The following ZNF618 variants were observed in gnomAD, a reference collection of about 807,000 sequenced individuals.
ZNF618 encodes the protein neural precursor cell expressed, developmentally down-regulated 10.
Under a neutral mutation model 103.0 loss-of-function variants are expected in ZNF618, and 34 were observed. That is an observed-to-expected ratio of 0.33 (90% confidence interval 0.25 to 0.44). The LOEUF is 0.44. Among genes scored for constraint, ZNF618 ranks in the 20% least tolerant of loss-of-function variants. The pLI, the probability that ZNF618 is intolerant of heterozygous loss-of-function variation, is 1.00. For missense variants in ZNF618, 1,059 were observed against 1,295.4 expected, an observed-to-expected ratio of 0.82 and a Z score of 2.80; for synonymous variants, 551 against 542.2, an observed-to-expected ratio of 1.02 and a Z score of -0.23.
At chr9:113,985,546 C>T (rs1433030358) in intron 2 of ZNF618, among the ~76,000 whole-genome samples, 1 of 152,238 alleles carries the variant, frequency 6.6e-6, no homozygotes, top group South Asian at 2.1e-4. Flanking sequence ...GACTCTTGCT[C>T]ATGATATTAT....
chr9:113,977,033 C>T (rs116223380), intron 2 of ZNF618, among the ~76,000 whole-genome samples: 220 of 152,234 alleles, frequency 1.4e-3, no homozygotes, highest in African/African-American at 4.8e-3. Context: ...CCAAGGGCAG[C>T]GTGCGTCCAG....
At chr9:113,894,727 G>C (rs990499347) in intron 1 of ZNF618, among the ~76,000 whole-genome samples, 2 of 152,128 alleles carry the variant, frequency 1.3e-5, no homozygotes, top group Admixed American at 1.3e-4. Context: ...AGTTGTGACT[G>C]AGATCATTGC....
chr9:113,885,542 G>A, intron 1 of ZNF618, among the ~76,000 whole-genome samples: 1 of 152,096 alleles, frequency 6.6e-6, no homozygotes, highest in East Asian at 1.9e-4. Context: ...CAGAAAGTTT[G>A]GAGTTTGTGA....
intron 10 of ZNF618, among the ~76,000 whole-genome samples, chr9:114,017,045 G>T (rs1244168902): frequency 1.3e-5 from 2 of 152,172 alleles, no homozygotes; most frequent in Non-Finnish European, 2.9e-5. Flanking sequence ...CATGATTGGG[G>T]TGAGGAGGGT....
intron 12 of ZNF618, 131 bp from the exon 13 acceptor site, chr9:114,036,169 C>G: frequency 1.3e-6 from 1 of 754,346 alleles, no homozygotes. Flanking sequence ...GGCAGGCAGG[C>G]TGGGCCCGGA....
Position 113,988,242 on chromosome 9 carries a change from C to T in ZNF618, c.78-79C>T, listed in dbSNP as rs572105034. ...TCACTATGCACACAGCCTGGCATGT[C>T]CCTGTGGTGCCATGGGCTGGTGGGC... On this transcript the variant is annotated intron_variant, in intron 2 of 14. Coordinates refer to ENST00000374126, the MANE Select transcript of ZNF618 (RefSeq NM_001318042.2). 3,022 of 1,511,752 alleles carry T rather than the reference C, an allele frequency of 2.0e-3. 27 individuals carry two copies. The South Asian group carries it at 0.021, about 11-fold the overall frequency. 93.6% of individuals were successfully genotyped at this position (1,511,752 alleles called of 1,614,324 possible). A position where few individuals can be genotyped will look rare whatever the true frequency, so the allele number is the denominator to read the frequency against.
Position 113,951,509 on chromosome 9 carries a change from A to G in ZNF618, c.34-17608A>G, listed in dbSNP as rs976199592. Reference sequence around the variant, plus strand: ...TATATGTGTGTATGTGTACACATATATGTGTGTATATGTACACATATGTGT... The same window carrying G: ...TATATGTGTGTATGTGTACACATATGTGTGTGTATATGTACACATATGTGT... On this transcript the variant is annotated intron_variant, in intron 1 of 14. Transcript: ENST00000374126. 5.0e-4 allele frequency among the ~76,000 whole-genome samples: 40 copies of G among 80,630 alleles called. 9 individuals are homozygous for G. Among genetic ancestry groups the G allele is most frequent in the Non-Finnish European group, 9.3e-4 (33 of 35,632 alleles). The allele number at this position is 80,630 out of a possible 152,430, so 52.9% of individuals were successfully genotyped here.
At chr9:113,970,670 T>C (rs745804373) in intron 2 of ZNF618, among the ~76,000 whole-genome samples, 5 of 151,988 alleles carry the variant, frequency 3.3e-5, no homozygotes, top group Non-Finnish European at 7.4e-5. Flanking sequence ...TGAATGCCCT[T>C]TCATCTTTCA....
At chr9:114,045,971 T>G (rs1845616272) in intron 13 of ZNF618, among the ~76,000 whole-genome samples, 1 of 152,096 alleles carries the variant, frequency 6.6e-6, no homozygotes, top group Non-Finnish European at 1.5e-5. Flanking sequence ...TGGTAAGTAA[T>G]TATTTTCAAA....
At chr9:113,908,699 G>A (rs1050936474) in intron 1 of ZNF618, among the ~76,000 whole-genome samples, 5 of 151,974 alleles carry the variant, frequency 3.3e-5, no homozygotes, top group African/African-American at 9.7e-5. Context: ...TTTGAAGACC[G>A]CTGTGCAGAG....
chr9:114,017,717 G>A (rs1011346361), intron 10 of ZNF618, among the ~76,000 whole-genome samples: 11 of 152,152 alleles, frequency 7.2e-5, no homozygotes, highest in African/African-American at 2.7e-4. Flanking sequence ...GAAGACTTTG[G>A]TCCAAACAGA....
At chr9:113,886,415 G>GATGT (rs1342091004) in intron 1 of ZNF618, among the ~76,000 whole-genome samples, 8 of 152,170 alleles carry the variant, frequency 5.3e-5, no homozygotes, top group African/African-American at 1.9e-4. Flanking sequence ...AAGCGAAGAA[G>GATGT]ATGTAGTCGG....
intron 1 of ZNF618, among the ~76,000 whole-genome samples, chr9:113,943,592 A>AT (rs1257137336): frequency 0.015 from 2,211 of 144,266 alleles, 52 homozygotes; most frequent in Admixed American, 0.069. Flanking sequence ...AGATCTTCTG[A>AT]TTTTTTTTTT....
chr9:113,922,704 C>T (rs1184261909), intron 1 of ZNF618, among the ~76,000 whole-genome samples: 2 of 152,024 alleles, frequency 1.3e-5, no homozygotes, highest in Non-Finnish European at 2.9e-5. Context: ...TTTACTGTAC[C>T]TTTATAGTAA....
At chr9:113,890,318 C>G (rs1420417315) in intron 1 of ZNF618, among the ~76,000 whole-genome samples, 1 of 152,156 alleles carries the variant, frequency 6.6e-6, no homozygotes, top group Non-Finnish European at 1.5e-5. Context: ...GAGCATTATT[C>G]AAGCCATCTC....
Position 114,051,159 on chromosome 9 carries a change from T to C in ZNF618, c.*992T>C, listed in dbSNP as rs1408687600. Reference sequence around the variant, plus strand: ...GGAGGCACTGAATGTCTATAACTTATGTTTTGGAGTTTTGTTTTTTTACTT... The same window carrying C: ...GGAGGCACTGAATGTCTATAACTTACGTTTTGGAGTTTTGTTTTTTTACTT... On this transcript the variant is annotated 3_prime_UTR_variant, in exon 15 of 15. Coordinates refer to ENST00000374126, the MANE Select transcript of ZNF618 (RefSeq NM_001318042.2). 2 of 152,624 alleles carry C rather than the reference T, an allele frequency of 1.3e-5. No individual in the cohort carries two copies. Among genetic ancestry groups the C allele is most frequent in the African/African-American group, 2.4e-5 (1 of 41,442 alleles). 9.5% of individuals were successfully genotyped at this position (152,624 alleles called of 1,614,324 possible). A position where few individuals can be genotyped will look rare whatever the true frequency, so the allele number is the denominator to read the frequency against.
intron 11 of ZNF618, among the ~76,000 whole-genome samples, chr9:114,029,671 A>G (rs960369031): frequency 6.6e-6 from 1 of 152,186 alleles, no homozygotes; most frequent in African/African-American, 2.4e-5. Flanking sequence ...TCTGCTCTGA[A>G]CAAAGCAGGA....
chr9:113,939,005 T>TA (rs1022850865), intron 1 of ZNF618, among the ~76,000 whole-genome samples: 3 of 151,688 alleles, frequency 2.0e-5, no homozygotes, highest in Admixed American at 6.5e-5. Context: ...CTCTTGGATT[T>TA]TTTTTTTCAG....
At chr9:114,000,848 A>G (rs1323674494) in intron 4 of ZNF618, among the ~76,000 whole-genome samples, 2 of 152,244 alleles carry the variant, frequency 1.3e-5, no homozygotes, top group East Asian at 3.8e-4. Context: ...AGGCCCAGCC[A>G]GTAAATGACA....
Sources: allele counts gnomAD v4.1 joint callset (sites outside exome capture counted in the v4.1 genomes callset), GRCh38; gene constraint gnomAD v4.1.1; transcripts MANE v1.5; gene names NCBI Gene and HGNC (gene_info 2026-07-23, HGNC 2026-07-21).